SLC38A4: variants seen among roughly 807,000 people sequenced by gnomAD.
SLC38A4 encodes solute carrier family 38 member 4.
A neutral mutation model predicts 63.1 loss-of-function variants in SLC38A4; 20 were observed. The ratio of observed to expected loss-of-function variants is 0.32; its 90% CI spans 0.22 to 0.46. SLC38A4 has a LOEUF of 0.46. Ranked by LOEUF, SLC38A4 falls within the 20% of genes least tolerant of loss-of-function variation. The pLI, the probability that SLC38A4 is intolerant of heterozygous loss-of-function variation, is 1.00. For missense variants in SLC38A4, 526 were observed against 663.6 expected (o/e 0.79, Z 2.28); for synonymous variants, 230 against 225.5 (o/e 1.02, Z -0.18).
Position 46,769,273 on chromosome 12 carries a change from C to A in SLC38A4, c.1444+11G>T. The A allele has an allele frequency of 1.2e-6, 2 of 1,612,618 alleles. No homozygotes were observed. Among genetic ancestry groups the A allele is most frequent in the Non-Finnish European group, 1.7e-6 (2 of 1,179,038 alleles). ...TTGGGTTGACCAAATTGAAGCCTTTCTGAAACTCACCTATGAATCCGAAGA... is the reference window on the plus strand; with the variant it reads ...TTGGGTTGACCAAATTGAAGCCTTTATGAAACTCACCTATGAATCCGAAGA... On this transcript the variant is annotated intron_variant, in intron 15 of 16. Transcript: ENST00000266579.
rs1361215904 is a variant in SLC38A4, at chr12:46,766,544, T to C, written c.*157A>G. On this transcript the variant is annotated 3_prime_UTR_variant, in exon 17 of 17. Coordinates refer to ENST00000266579, the MANE Select transcript of SLC38A4 (RefSeq NM_018018.5). ...CCATCCTTGACAAAAACAGTGATTT[T>C]CCTCTTCTGCAGGTGCCTGGTGATA... 1.4e-6 allele frequency: 1 copy of C among 698,280 alleles called. No individual in the cohort carries two copies. The highest frequency in any genetic ancestry group is 2.8e-5 in the East Asian group (1 of 36,298). The allele number at this position is 698,280 out of a possible 1,614,324, so 43.3% of individuals were successfully genotyped here. A position where few individuals can be genotyped will look rare whatever the true frequency, so the allele number is the denominator to read the frequency against.
chr12:46,770,025 T>C (rs1938384708), intron 14 of SLC38A4, among the ~76,000 whole-genome samples: 1 of 152,156 alleles, frequency 6.6e-6, no homozygotes, highest in Non-Finnish European at 1.5e-5. Flanking sequence ...GTGTCATTTT[T>C]TCCTTGGCCT....
At chr12:46,820,554 C>T (rs1034194107) in intron 1 of SLC38A4, among the ~76,000 whole-genome samples, 2 of 151,966 alleles carry the variant, frequency 1.3e-5, no homozygotes, top group Admixed American at 6.6e-5. Context: ...GTATATACCA[C>T]GTTTTCTTTA....
intron 1 of SLC38A4, among the ~76,000 whole-genome samples, chr12:46,815,344 T>A (rs1939423152): frequency 6.7e-6 from 1 of 148,912 alleles, no homozygotes. Context: ...GAGATGGCCT[T>A]CCTTTTATCT....
At position 46,775,075 on chromosome 12, in the gene SLC38A4, G is replaced by C; in HGVS notation, c.1273C>G (p.Leu425Val). The C allele has an allele frequency of 6.2e-7, 1 of 1,612,882 alleles. No individual in the cohort carries two copies. Among genetic ancestry groups the C allele is most frequent in the Non-Finnish European group, 8.5e-7 (1 of 1,179,152 alleles). ...VRLAVLVAVT[L>V]TVPIVLFPIR... The stretch of plus-strand genomic sequence containing the variant: ...GGGAAGAGGACAATGGGCACAGTTA[G>C]TGTTACTGCCACAAGGACTGCCAGG... Residue 425 changes from leucine to valine, a missense_variant, in exon 14 of 17, where the codon CTA becomes GTA. Physicochemically the swap from Leu to Val is conservative, Grantham distance 32. Transcript: ENST00000266579.
rs1294989645 is a variant in SLC38A4, at chr12:46,779,598, T to A, written c.717+13A>T. ...TAACCAACCTGCAAGGATCATGTCA[T>A]CACATCACTTACCACACTAACAAAA... is the stretch of plus-strand genomic sequence containing the variant. On this transcript the variant is annotated intron_variant, in intron 10 of 16. Coordinates refer to ENST00000266579, the MANE Select transcript of SLC38A4 (RefSeq NM_018018.5). The A allele has an allele frequency of 6.3e-6, 10 of 1,593,670 alleles. No homozygotes were observed. The Admixed American group carries it at 1.5e-4, about 23-fold the overall frequency.
intron 13 of SLC38A4, among the ~76,000 whole-genome samples, 157 bp from the exon 14 acceptor site, chr12:46,775,330 C>T (rs1284016190): frequency 6.6e-6 from 1 of 152,056 alleles, no homozygotes; most frequent in Non-Finnish European, 1.5e-5. Flanking sequence ...ATTAGCTATG[C>T]AACCTTCATT....
intron 5 of SLC38A4, among the ~76,000 whole-genome samples, chr12:46,787,507 A>G (rs1206334641): frequency 6.6e-6 from 1 of 152,064 alleles, no homozygotes; most frequent in Non-Finnish European, 1.5e-5. Context: ...TCTTCATAGG[A>G]TGGAGAGAAG....
At chr12:46,777,371 C>G (rs1055911090) in intron 12 of SLC38A4, among the ~76,000 whole-genome samples, 7 of 151,884 alleles carry the variant, frequency 4.6e-5, no homozygotes, top group Admixed American at 6.6e-5. Flanking sequence ...GGAAAAGAAC[C>G]TAGTAGAGTC....
At chr12:46,830,831 T>C (rs370463567), upstream of SLC38A4, among the ~76,000 whole-genome samples, 22 of 152,162 alleles carry the variant, frequency 1.4e-4, no homozygotes, top group Admixed American at 3.9e-4. Context: ...CTGAGACAGG[T>C]AGAGATGCAG....
intron 1 of SLC38A4, among the ~76,000 whole-genome samples, chr12:46,821,944 C>T (rs900683210): frequency 3.3e-5 from 5 of 152,004 alleles, no homozygotes; most frequent in Admixed American, 2.0e-4. Flanking sequence ...TTACTATAAA[C>T]GTGATTGTTT....
chr12:46,801,314 A>G (rs1939128242), intron 2 of SLC38A4, among the ~76,000 whole-genome samples: 1 of 152,138 alleles, frequency 6.6e-6, no homozygotes, highest in Non-Finnish European at 1.5e-5. Context: ...TCAGGGTGTA[A>G]GGGTGTCAAA....
In SLC38A4 at chr12:46,766,141, A is replaced by G. The variant is rs570399568; in HGVS notation, c.*560T>C. On this transcript the variant is annotated 3_prime_UTR_variant, in exon 17 of 17. Coordinates refer to ENST00000266579, the MANE Select transcript of SLC38A4 (RefSeq NM_018018.5). ...GCAAAATATTATTTTGCTGTTGACAATAAGATGCTCTAGACTGGTGTTTGA... is the reference window on the plus strand; with the variant it reads ...GCAAAATATTATTTTGCTGTTGACAGTAAGATGCTCTAGACTGGTGTTTGA... 2.2e-5 allele frequency: 5 copies of G among 224,660 alleles called. No homozygotes were observed. Among genetic ancestry groups the G allele is most frequent in the Admixed American group, 5.2e-5 (1 of 19,388 alleles). 13.9% of individuals were successfully genotyped at this position (224,660 alleles called of 1,614,324 possible). A position where few individuals can be genotyped will look rare whatever the true frequency, so the allele number is the denominator to read the frequency against.
intron 14 of SLC38A4, among the ~76,000 whole-genome samples, chr12:46,770,080 G>A (rs1159459774): frequency 6.6e-6 from 1 of 151,984 alleles, no homozygotes; most frequent in Non-Finnish European, 1.5e-5. Context: ...TTAGTTTTCA[G>A]AATTTATTGT....
chr12:46,829,674 T>A (rs999955482), upstream of SLC38A4, among the ~76,000 whole-genome samples: 5 of 152,170 alleles, frequency 3.3e-5, no homozygotes, highest in Non-Finnish European at 7.3e-5. Context: ...ACTGCAAAGA[T>A]TCAGAGAGTC....
chr12:46,793,284 G>T, intron 2 of SLC38A4, 101 bp from the exon 3 acceptor site: 1 of 334,490 alleles, frequency 3.0e-6, no homozygotes, highest in African/African-American at 2.1e-5. Flanking sequence ...AAGGGAGGAA[G>T]GAAAGAAACT....
Position 46,812,864 on chromosome 12 carries a change from A to G in SLC38A4, c.-304-9070T>C, listed in dbSNP as rs530544703. Among the ~76,000 whole-genome samples, 8 of 152,172 alleles carry G rather than the reference A, an allele frequency of 5.3e-5. No homozygotes were observed. In the East Asian group the frequency reaches 1.5e-3, roughly 29 times the overall value. ...AAGAAATGTTGGGCATAAAATTCTG[A>G]CATGTCGATATGAAATCTCAATTCT... is the stretch of plus-strand genomic sequence containing the variant. On this transcript the variant is annotated intron_variant, in intron 1 of 16. Coordinates refer to ENST00000266579, the MANE Select transcript of SLC38A4 (RefSeq NM_018018.5).
At chr12:46,815,102 A>T (rs1288864173) in intron 1 of SLC38A4, among the ~76,000 whole-genome samples, 3 of 151,624 alleles carry the variant, frequency 2.0e-5, no homozygotes, top group Non-Finnish European at 4.4e-5. Flanking sequence ...GCATTATCTC[A>T]TGTAATCACA....
chr12:46,812,230 G>C (rs140030403), intron 1 of SLC38A4, among the ~76,000 whole-genome samples: 300 of 152,070 alleles, frequency 2.0e-3, no homozygotes, highest in Non-Finnish European at 3.5e-3. Context: ...TAATCATATT[G>C]ACTTAAATAG....
Sources: gnomAD v4.1 joint callset for allele counts (sites outside exome capture counted in the v4.1 genomes callset) on GRCh38, gnomAD v4.1.1 for gene constraint, MANE v1.5 for transcripts, NCBI Gene and HGNC (gene_info 2026-07-23, HGNC 2026-07-21) for gene names.